Variants in SIPA1L1 observed in about 807,000 individuals in gnomAD.
SIPA1L1 encodes signal-induced proliferation-associated 1-like protein 1.
A neutral mutation model predicts 162.7 loss-of-function variants in SIPA1L1; 26 were observed. The ratio of observed to expected loss-of-function variants is 0.16; its 90% confidence interval spans 0.12 to 0.22. SIPA1L1 has a LOEUF of 0.22. SIPA1L1 is among the 10% of genes least tolerant of loss of function. The probability of loss-of-function intolerance (pLI) is 1.00; values close to 1 mark genes in which losing one functional copy is unlikely to be tolerated. For synonymous variants in SIPA1L1, 829 were observed against 837.4 expected (o/e 0.99, Z 0.17); for missense variants, 1,874 against 2,241.0 (o/e 0.84, Z 3.31).
At chr14:71,639,515 A>T (rs2041493204) in intron 7 of SIPA1L1, among the ~76,000 whole-genome samples, 1 of 152,226 alleles carries the variant, frequency 6.6e-6, no homozygotes. Flanking sequence ...TACAAAGTTT[A>T]ACTTCTTAAT....
chr14:71,717,228 A>G (rs1425227955), intron 17 of SIPA1L1, among the ~76,000 whole-genome samples: 3 of 152,160 alleles, frequency 2.0e-5, no homozygotes, highest in Admixed American at 1.3e-4. Context: ...GTACTTGTGT[A>G]TCCTCTCTTC....
intron 7 of SIPA1L1, among the ~76,000 whole-genome samples, chr14:71,626,746 T>C (rs2040030606): frequency 6.6e-6 from 1 of 152,186 alleles, no homozygotes; most frequent in Admixed American, 6.5e-5. Flanking sequence ...AAATCTCTTT[T>C]TATATTTGGT....
At chr14:71,507,455 G>A (rs1176613360) in intron 2 of SIPA1L1, among the ~76,000 whole-genome samples, 2 of 152,184 alleles carry the variant, frequency 1.3e-5, no homozygotes, top group East Asian at 1.9e-4. Context: ...ATCAATTGAT[G>A]TGTAGTTCAG....
chr14:71,526,618 T>C, intron 3 of SIPA1L1, among the ~76,000 whole-genome samples: 1 of 152,170 alleles, frequency 6.6e-6, no homozygotes, highest in East Asian at 1.9e-4. Context: ...CAAGCCCGTA[T>C]TGTCTATGGC....
At chr14:71,729,989 C>G (rs2084614164) in intron 19 of SIPA1L1, 66 bp from the exon 20 acceptor site, 20 of 1,563,288 alleles carry the variant, frequency 1.3e-5, no homozygotes, top group Middle Eastern at 3.4e-4. Flanking sequence ...CCACCCTCCC[C>G]CAACCTTGGT....
intron 2 of SIPA1L1, among the ~76,000 whole-genome samples, chr14:71,334,431 T>C (rs1240123387): frequency 6.6e-6 from 1 of 152,160 alleles, no homozygotes; most frequent in African/African-American, 2.4e-5. Flanking sequence ...TGTGAAAGCT[T>C]TCTCTTTGAT....
At chr14:71,472,774 T>C (rs1385002559) in intron 2 of SIPA1L1, among the ~76,000 whole-genome samples, 2 of 146,072 alleles carry the variant, frequency 1.4e-5, no homozygotes, top group African/African-American at 5.1e-5. Flanking sequence ...AAAATAATCA[T>C]CTAGTATGTG....
chr14:71,509,973 T>A (rs544625053), intron 2 of SIPA1L1, among the ~76,000 whole-genome samples: 1 of 152,060 alleles, frequency 6.6e-6, no homozygotes. Flanking sequence ...TTGGGATTTA[T>A]CTGTTAATAA....
At chr14:71,584,689 C>A (rs2034362140) in intron 4 of SIPA1L1, among the ~76,000 whole-genome samples, 1 of 152,174 alleles carries the variant, frequency 6.6e-6, no homozygotes, top group African/African-American at 2.4e-5. Flanking sequence ...ACTCATTGAA[C>A]TAAACTGTGG....
chr14:71,479,407 A>G (rs2048165106), intron 2 of SIPA1L1, among the ~76,000 whole-genome samples: 1 of 151,722 alleles, frequency 6.6e-6, no homozygotes, highest in South Asian at 2.1e-4. Flanking sequence ...TCATTCATTC[A>G]TTTCTAGAGA....
chr14:71,469,920 G>A (rs1159100047), intron 2 of SIPA1L1, among the ~76,000 whole-genome samples: 3 of 152,170 alleles, frequency 2.0e-5, no homozygotes, highest in Non-Finnish European at 4.4e-5. Context: ...AGTGGGATGG[G>A]AACTGAAGGG....
intron 22 of SIPA1L1, among the ~76,000 whole-genome samples, chr14:71,737,667 T>C (rs563630073): frequency 5.8e-4 from 88 of 152,294 alleles, no homozygotes; most frequent in African/African-American, 1.8e-3. Context: ...GGTTTTTTGA[T>C]CAGACTGGGA....
intron 2 of SIPA1L1, among the ~76,000 whole-genome samples, chr14:71,508,085 G>A (rs548444930): frequency 3.3e-5 from 5 of 152,336 alleles, no homozygotes; most frequent in Admixed American, 2.0e-4. Context: ...TTTCATGCTG[G>A]CCATTTGGCT....
At chr14:71,383,769 C>A (rs1014648872) in intron 2 of SIPA1L1, among the ~76,000 whole-genome samples, 1 of 151,950 alleles carries the variant, frequency 6.6e-6, no homozygotes. Context: ...TCACTTATCA[C>A]CAAGGGGATG....
At chr14:71,699,236 A>G (rs1403979034) in intron 14 of SIPA1L1, 109 bp downstream of exon 14, 6 of 1,089,480 alleles carry the variant, frequency 5.5e-6, no homozygotes, top group Non-Finnish European at 8.1e-6. Context: ...ATCAATTTGT[A>G]GACAAACAAA....
chr14:71,650,207 G>A, intron 7 of SIPA1L1, 128 bp from the exon 8 acceptor site: 1 of 942,840 alleles, frequency 1.1e-6, no homozygotes, highest in African/African-American at 1.6e-5. Context: ...GGAAAATACA[G>A]AAGGATTTCA....
intron 3 of SIPA1L1, among the ~76,000 whole-genome samples, chr14:71,520,717 G>A (rs578111858): frequency 1.3e-5 from 2 of 152,016 alleles, no homozygotes; most frequent in East Asian, 1.9e-4. Flanking sequence ...ACAGTATTCC[G>A]TTATATGGAA....
chr14:71,649,026 G>A (rs531057564), intron 7 of SIPA1L1, among the ~76,000 whole-genome samples: 1 of 152,112 alleles, frequency 6.6e-6, no homozygotes, highest in East Asian at 1.9e-4. Flanking sequence ...GTAGTGCCTG[G>A]CATATGATAG....
chr14:71,356,693 G>A (rs1053975362), intron 2 of SIPA1L1, among the ~76,000 whole-genome samples: 1 of 151,896 alleles, frequency 6.6e-6, no homozygotes, highest in African/African-American at 2.4e-5. Context: ...TCCAGCCTGG[G>A]CAACAGAGTG....
Sources: gnomAD v4.1 joint callset for allele counts (sites outside exome capture counted in the v4.1 genomes callset) on GRCh38, gnomAD v4.1.1 for gene constraint, MANE v1.5 for transcripts, NCBI Gene and HGNC (gene_info 2026-07-23, HGNC 2026-07-21) for gene names.